The following CEP120 variants were observed in gnomAD, a reference collection of about 807,000 sequenced individuals.
CEP120 encodes the protein centrosomal protein of 120 kDa.
CEP120 carries 113 observed loss-of-function variants against 126.5 expected under a neutral mutation model. That is an observed-to-expected ratio of 0.89 (90% CI 0.77 to 1.04). The LOEUF (loss-of-function observed/expected upper bound fraction) is 1.04. CEP120 is among the 50% of genes least tolerant of loss of function. The probability of loss-of-function intolerance (pLI) is 0.00; values close to 1 mark genes in which losing one functional copy is unlikely to be tolerated. For synonymous variants in CEP120, 400 were observed against 394.3 expected (o/e 1.01, Z -0.17); for missense variants, 1,230 against 1,155.7 (o/e 1.06, Z -0.93).
chr5:123,373,425 C>G (rs533159526), intron 16 of CEP120, among the ~76,000 whole-genome samples: 6 of 152,156 alleles, frequency 3.9e-5, no homozygotes, highest in African/African-American at 1.2e-4. Context: ...ATGGAAATTT[C>G]TTGAATTTGA....
intron 6 of CEP120, among the ~76,000 whole-genome samples, chr5:123,392,016 A>G (rs1234785858): frequency 1.3e-5 from 2 of 152,168 alleles, no homozygotes; most frequent in Admixed American, 6.5e-5. Flanking sequence ...TTCCCTTACT[A>G]TATTGAAGCC....
chr5:123,369,879 A>C (rs1156878226), intron 17 of CEP120, among the ~76,000 whole-genome samples: 2 of 152,028 alleles, frequency 1.3e-5, no homozygotes, highest in African/African-American at 4.8e-5. Context: ...TGTCTTGTTC[A>C]ATGCAAGACT....
chr5:123,369,456 A>T (rs1287287866), intron 17 of CEP120, among the ~76,000 whole-genome samples: 1 of 152,028 alleles, frequency 6.6e-6, no homozygotes, highest in Non-Finnish European at 1.5e-5. Flanking sequence ...ACTCTATTAG[A>T]ATAAAAACCT....
chr5:123,400,349 G>A (rs1773098280), intron 4 of CEP120, among the ~76,000 whole-genome samples: 1 of 151,762 alleles, frequency 6.6e-6, no homozygotes. Flanking sequence ...AATAATGAAA[G>A]CAAAGCATTT....
At position 123,412,544 on chromosome 5, in the gene CEP120, G is replaced by C. The variant is rs1238865402; in HGVS notation, c.322-4C>G. 6.3e-7 allele frequency: 1 copy of C among 1,581,112 alleles called. No individual in the cohort carries two copies. Among genetic ancestry groups the C allele is most frequent in the East Asian group, 2.3e-5 (1 of 43,940 alleles). On this transcript the variant is annotated splice_polypyrimidine_tract_variant and splice_region_variant and intron_variant, in intron 3 of 19. Transcript: ENST00000306467. Reference sequence around the variant, plus strand: ...GCAACTGGTACCATTTTGGTGCCTAGAGAATAATAAAATAACAAAACACCT... The same window carrying C: ...GCAACTGGTACCATTTTGGTGCCTACAGAATAATAAAATAACAAAACACCT...
intron 18 of CEP120, among the ~76,000 whole-genome samples, chr5:123,360,697 G>T (rs182777055): frequency 5.9e-4 from 57 of 96,216 alleles, no homozygotes; most frequent in African/African-American, 1.9e-3. Flanking sequence ...AATAGAAAAT[G>T]GATTAAATGG....
chr5:123,419,490 G>A (rs1774579102), intron 1 of CEP120, among the ~76,000 whole-genome samples: 1 of 148,492 alleles, frequency 6.7e-6, no homozygotes. Context: ...GTGGCAGTGA[G>A]CACTGCACTC....
rs2127149792 is a variant in CEP120, at chr5:123,422,559, C to G, written c.49+391G>C. On this transcript the variant is annotated intron_variant, in intron 1 of 19. Transcript: ENST00000306467. The stretch of plus-strand genomic sequence containing the variant: ...AAAGGGAATTGCCTCCGGAACACTT[C>G]TGGAATCGCAGGAAGCCTGTATTCA... 2.0e-6 allele frequency: 3 copies of G among 1,535,372 alleles called. No homozygotes were observed. The African/African-American group carries it at 4.1e-5, about 21-fold the overall frequency.
intron 18 of CEP120, among the ~76,000 whole-genome samples, chr5:123,360,306 G>A (rs1469948773): frequency 6.6e-6 from 1 of 151,930 alleles, no homozygotes; most frequent in Non-Finnish European, 1.5e-5. Flanking sequence ...CAGGGGCAGA[G>A]CACAATTCAC....
At chr5:123,392,190 T>C (rs1772450636) in intron 6 of CEP120, among the ~76,000 whole-genome samples, 2 of 152,222 alleles carry the variant, frequency 1.3e-5, no homozygotes, top group Admixed American at 1.3e-4. Flanking sequence ...AGTATTTTTA[T>C]GATGTAAATG....
intron 18 of CEP120, among the ~76,000 whole-genome samples, chr5:123,360,916 T>TG (rs1465099673): frequency 2.0e-5 from 3 of 151,894 alleles, no homozygotes; most frequent in African/African-American, 4.8e-5. Context: ...CCTCAAATGG[T>TG]GAAAAACTTA....
chr5:123,412,471 C>A lies in CEP120; in HGVS notation c.391G>T (p.Ala131Ser), dbSNP rs1014923216. The change falls in exon 4 of 20, where the codon GCT becomes TCT. Residue 131 changes from alanine (A) to serine (S), a missense_variant. Ala to Ser is a moderately conservative substitution (Grantham distance 99). Coordinates refer to ENST00000306467, the MANE Select transcript of CEP120 (RefSeq NM_001375405.1). Reference sequence around the variant, plus strand: ...GGTGGCTTTGTATCGGTTTCCAAAGCAATACTTATCTGTATCTCAGACTTG... The same window carrying A: ...GGTGGCTTTGTATCGGTTTCCAAAGAAATACTTATCTGTATCTCAGACTTG... ...KFKSEIQISI[A>S]LETDTKPPVD... The A allele has an allele frequency of 6.2e-7, 1 of 1,611,606 alleles. No individual in the cohort carries two copies.
chr5:123,406,749 A>C (rs547014177), intron 4 of CEP120, among the ~76,000 whole-genome samples: 1 of 124,866 alleles, frequency 8.0e-6, no homozygotes, highest in East Asian at 2.4e-4. Flanking sequence ...GACAAGAAAA[A>C]TGGCATGGGT....
At position 123,378,416 on chromosome 5, in the gene CEP120, T is replaced by C. The variant is rs1580676581; in HGVS notation, c.2116A>G (p.Thr706Ala). The C allele has an allele frequency of 6.4e-7, 1 of 1,574,686 alleles. No individual in the cohort carries two copies. Among genetic ancestry groups the C allele is most frequent in the South Asian group, 1.2e-5 (1 of 84,956 alleles). The change falls in exon 15 of 20, where the codon ACT (threonine) becomes GCT (alanine). Residue 706 changes from threonine to alanine, a missense_variant. Transcript: ENST00000306467. ...TTTTGAAGTTTTCCTTCTAGAATAGTATATTCAGCCACCTAAAATATAGTA... is the reference window on the plus strand; with the variant it reads ...TTTTGAAGTTTTCCTTCTAGAATAGCATATTCAGCCACCTAAAATATAGTA... Reference protein sequence around the residue: ...SLVKKKVAEYTILEGKLQKTL... With the variant: ...SLVKKKVAEYAILEGKLQKTL...
intron 18 of CEP120, among the ~76,000 whole-genome samples, chr5:123,354,534 C>G (rs6867382): frequency 2.2e-3 from 338 of 152,018 alleles, no homozygotes; most frequent in African/African-American, 7.7e-3. Context: ...CTCTTTTTAG[C>G]TCTATTAATT....
In CEP120 at chr5:123,345,779, T is replaced by TAAC; in HGVS notation, c.*737_*739dup. 1 of 152,248 alleles carries TAAC rather than the reference T, an allele frequency of 6.6e-6. No homozygotes were observed. Among genetic ancestry groups the TAAC allele is most frequent in the African/African-American group, 2.4e-5 (1 of 41,570 alleles). 9.4% of individuals were successfully genotyped at this position (152,248 alleles called of 1,614,324 possible). On this transcript the variant is annotated 3_prime_UTR_variant, in exon 20 of 20. Coordinates refer to ENST00000306467, the MANE Select transcript of CEP120 (RefSeq NM_001375405.1). ...TTTAAGCTGACAGCTAGTATTACTA[T>TAAC]AACTGGAAAATAAAAAGAAATCTCT...
At position 123,393,682 on chromosome 5, in the gene CEP120, G is replaced by A. The variant is rs7728145; in HGVS notation, c.613-185C>T. Among the ~76,000 whole-genome samples the A allele has an allele frequency of 0.72, 109,027 of 152,092 alleles. 39,275 individuals are homozygous for A. The highest frequency in any genetic ancestry group is 0.77 in the African/African-American group (31,821 of 41,494). On this transcript the variant is annotated intron_variant, in intron 5 of 19. Coordinates refer to ENST00000306467, the MANE Select transcript of CEP120 (RefSeq NM_001375405.1). ...ATTACTATTTTTTTAAAAAAGAGTC[G>A]TCTTAGAAAAGCAGAGTCTAAAAGA...
intron 17 of CEP120, among the ~76,000 whole-genome samples, chr5:123,368,639 A>G (rs557170674): frequency 2.9e-4 from 44 of 152,126 alleles, no homozygotes; most frequent in Non-Finnish European, 4.3e-4. Context: ...AATATATTTC[A>G]GGGAGATGGC....
chr5:123,391,305 T>C lies in CEP120; in HGVS notation c.843A>G (p.Gly281=), dbSNP rs1349429443. 1.2e-6 allele frequency: 2 copies of C among 1,613,984 alleles called. No individual in the cohort carries two copies. Among genetic ancestry groups the C allele is most frequent in the Non-Finnish European group, 8.5e-7 (1 of 1,179,966 alleles). The stretch of plus-strand genomic sequence containing the variant: ...ATCCAGTTAAAGGTATTTCTGTACT[T>C]CCAAGTGACTGGTCTCCACAGCAGA... ...IHLCCGDQSL[G]STEIPLTGLL... Residue 281 remains glycine, a synonymous_variant, in exon 7 of 20, where the codon GGA becomes GGG. Coordinates refer to ENST00000306467, the MANE Select transcript of CEP120 (RefSeq NM_001375405.1).
Sources: allele counts gnomAD v4.1 joint callset (sites outside exome capture counted in the v4.1 genomes callset), GRCh38; gene constraint gnomAD v4.1.1; transcripts MANE v1.5; gene names NCBI Gene and HGNC (gene_info 2026-07-23, HGNC 2026-07-21).